The following SHOX variants were observed in gnomAD, a reference collection of about 807,000 sequenced individuals.
The protein encoded by SHOX is short stature homeobox protein.
A neutral mutation model predicts 29.6 loss-of-function variants in SHOX; 12 were observed. That is an observed-to-expected ratio of 0.41 (90% CI 0.26 to 0.66). The LOEUF (loss-of-function observed/expected upper bound fraction) is 0.66, where lower values mean the gene tolerates loss of function less well. SHOX is among the 30% of genes least tolerant of loss of function. SHOX has a pLI of 0.35. For synonymous variants in SHOX, 214 were observed against 200.6 expected (o/e 1.07, Z -0.57); for missense variants, 499 against 437.7 (o/e 1.14, Z -1.25).
At chrX:630,592 T>G, upstream of SHOX, 1 of 514,948 alleles carries the variant, frequency 1.9e-6, no homozygotes, top group Non-Finnish European at 3.5e-6. Context: ...CTTTCCCCCT[T>G]CGCACCAAGG....
downstream of SHOX, among the ~76,000 whole-genome samples, chrX:651,736 GC>G (rs1295872500): frequency 1.3e-5 from 2 of 149,968 alleles, no homozygotes; most frequent in African/African-American, 4.9e-5. Context: ...ACCCAGTGTT[GC>G]CCCCCAGCCT....
rs2052935545 is a variant in SHOX at position 644,820 on chromosome X, A to G, written c.*184A>G. The G allele has an allele frequency of 1.0e-5, 8 of 781,244 alleles. No individual in the cohort carries two copies. Among genetic ancestry groups the G allele is most frequent in the Non-Finnish European group, 1.5e-5 (8 of 550,834 alleles). 48.4% of individuals were successfully genotyped at this position (781,244 alleles called of 1,614,324 possible). On this transcript the variant is annotated 3_prime_UTR_variant, in exon 5 of 5. Transcript: ENST00000686671. ...GGGACCGTCCACGCACGACCCAGCCAGACCCTCGCGGAGATGGTGCAGAAG... is the reference window on the plus strand; with the variant it reads ...GGGACCGTCCACGCACGACCCAGCCGGACCCTCGCGGAGATGGTGCAGAAG...
intron 5 of SHOX, among the ~76,000 whole-genome samples, chrX:658,098 C>T (rs2053172189): frequency 1.3e-5 from 2 of 152,018 alleles, no homozygotes; most frequent in South Asian, 4.2e-4. Flanking sequence ...CCTCAGCCTC[C>T]CGAGTAGCTG....
At chrX:638,999 G>T (rs1318979404) in intron 2 of SHOX, among the ~76,000 whole-genome samples, 2 of 152,208 alleles carry the variant, frequency 1.3e-5, no homozygotes, top group Admixed American at 6.5e-5. Context: ...GGGAGAGGAG[G>T]GGGTGGTGTC....
rs1423294521 is a variant in SHOX, at chrX:649,109, C to T, written c.*4473C>T. On this transcript the variant is annotated 3_prime_UTR_variant, in exon 5 of 5. Coordinates refer to ENST00000686671, the MANE Select transcript of SHOX (RefSeq NM_000451.4). ...CTGGAGTGCAGTGGTGCAATCCCAG[C>T]TCACTGCATCCTCTACCTCCTGGCT... Among the ~76,000 whole-genome samples, 2 of 151,752 alleles carry T rather than the reference C, an allele frequency of 1.3e-5. No homozygotes were observed. The highest frequency in any genetic ancestry group is 4.2e-4 in the South Asian group (2 of 4,806).
chrX:651,527 G>A lies in SHOX; in HGVS notation c.*6891G>A, dbSNP rs901469543. On this transcript the variant is annotated 3_prime_UTR_variant, in exon 5 of 5. Coordinates refer to ENST00000686671, the MANE Select transcript of SHOX (RefSeq NM_000451.4). ...ACAGACTGTATTTTTGTGACGCCCC[G>A]TAGTATGAATGTACATCTTGTAAAA... The A allele has an allele frequency of 1.7e-4, 67 of 384,742 alleles. No homozygotes were observed. Among genetic ancestry groups the A allele is most frequent in the East Asian group, 2.9e-4 (4 of 13,598 alleles). The allele number at this position is 384,742 out of a possible 1,614,324, so 23.8% of individuals were successfully genotyped here. A position where few individuals can be genotyped will look rare whatever the true frequency, so the allele number is the denominator to read the frequency against.
At chrX:643,505 T>TG (rs2052902066) in intron 4 of SHOX, among the ~76,000 whole-genome samples, 3 of 107,468 alleles carry the variant, frequency 2.8e-5, no homozygotes, top group South Asian at 3.7e-4. Context: ...CCTGGTGACC[T>TG]TGGAGAGGCT....
chrX:628,131 G>GCCTCTCTT (rs2052572085), upstream of SHOX, among the ~76,000 whole-genome samples: 24 of 34,608 alleles, frequency 6.9e-4, no homozygotes, highest in African/African-American at 1.5e-3. Context: ...GTCTCTCTCT[G>GCCTCTCTT]TATCTCTATC....
exon 6 of SHOX, chrX:659,304 C>G (rs1252780951): frequency 6.6e-6 from 1 of 152,032 alleles, no homozygotes; most frequent in Non-Finnish European, 1.5e-5. Flanking sequence ...TGAGGCTGGT[C>G]TTGAGCTCCT....
At chrX:656,371 C>T (rs1303155001), downstream of SHOX, among the ~76,000 whole-genome samples, 3 of 147,986 alleles carry the variant, frequency 2.0e-5, no homozygotes, top group Non-Finnish European at 3.0e-5. Context: ...CCCAGGAGTT[C>T]GAGACCAACC....
chrX:635,661 G>C (rs28414327), intron 2 of SHOX, among the ~76,000 whole-genome samples: 111,850 of 152,128 alleles, frequency 0.74, 41,576 homozygotes, highest in East Asian at 0.87. Flanking sequence ...CCTTGGGTGT[G>C]CGCAGAGGGA....
At position 644,292 on chromosome X, in the gene SHOX, G is replaced by A. The variant is rs186589133; in HGVS notation, c.634-99G>A. Reference sequence around the variant, plus strand: ...GCTGGAGAAGGGGCGACGCTCCCTAGGGGAGAAGAGGCACGTTGGAGGTTT... The same window carrying A: ...GCTGGAGAAGGGGCGACGCTCCCTAAGGGAGAAGAGGCACGTTGGAGGTTT... On this transcript the variant is annotated intron_variant, in intron 4 of 4. Transcript: ENST00000686671. The A allele has an allele frequency of 4.2e-3, 5,780 of 1,382,908 alleles. 174 individuals carry two copies. In the African/African-American group the frequency reaches 0.069, roughly 16 times the overall value. The allele number at this position is 1,382,908 out of a possible 1,614,324, so 85.7% of individuals were successfully genotyped here.
chrX:641,118 C>T, intron 4 of SHOX, 31 bp downstream of exon 4: 2 of 1,594,580 alleles, frequency 1.3e-6, no homozygotes, highest in Non-Finnish European at 1.7e-6. Context: ...CTGAAGATCC[C>T]TAGGGACCTG....
intron 4 of SHOX, among the ~76,000 whole-genome samples, chrX:641,377 C>A (rs2052850673): frequency 6.6e-6 from 1 of 152,052 alleles, no homozygotes; most frequent in African/African-American, 2.4e-5. Flanking sequence ...GCCTGGCCAA[C>A]TTAACGAAAC....
At chrX:634,151 C>A (rs1409593455) in intron 1 of SHOX, among the ~76,000 whole-genome samples, 1 of 152,166 alleles carries the variant, frequency 6.6e-6, no homozygotes, top group South Asian at 2.1e-4. Context: ...CGGAGGGACC[C>A]CCAGCCCTCC....
In SHOX at chrX:651,412, G is replaced by A. The variant is rs757937938; in HGVS notation, c.*6776G>A. 0.049 allele frequency: 8,930 copies of A among 180,776 alleles called. 490 individuals carry two copies. The highest frequency in any genetic ancestry group is 0.19 in the South Asian group (7,040 of 37,596). 11.2% of individuals were successfully genotyped at this position (180,776 alleles called of 1,614,324 possible). A position where few individuals can be genotyped will look rare whatever the true frequency, so the allele number is the denominator to read the frequency against. On this transcript the variant is annotated 3_prime_UTR_variant, in exon 5 of 5. Coordinates refer to ENST00000686671, the MANE Select transcript of SHOX (RefSeq NM_000451.4). ...TAGAAAAAAAACAAACAAACAAACA[G>A]AAAAAAAAACCAAAAAAAACCACCC...
intron 2 of SHOX, among the ~76,000 whole-genome samples, chrX:635,451 C>A (rs753792363): frequency 1.4e-4 from 21 of 152,282 alleles, no homozygotes; most frequent in African/African-American, 4.1e-4. Context: ...CGTTTTTTCA[C>A]CTACCGTTTC....
chrX:652,504 G>A (rs1350686879), downstream of SHOX, among the ~76,000 whole-genome samples: 1 of 151,964 alleles, frequency 6.6e-6, no homozygotes, highest in Non-Finnish European at 1.5e-5. Context: ...TCCCACCGCG[G>A]TTACAGGGTG....
At chrX:628,163 C>G (rs1265458301), upstream of SHOX, among the ~76,000 whole-genome samples, 3 of 53,548 alleles carry the variant, frequency 5.6e-5, no homozygotes, top group Non-Finnish European at 1.3e-4. Context: ...TTTTCTCTCT[C>G]CATCTCTCTG....
Sources: allele counts gnomAD v4.1 joint callset (sites outside exome capture counted in the v4.1 genomes callset), GRCh38; gene constraint gnomAD v4.1.1; transcripts MANE v1.5; gene names NCBI Gene and HGNC (gene_info 2026-07-23, HGNC 2026-07-21).